Variants in PDLIM5 observed in about 807,000 individuals in gnomAD.
The protein encoded by PDLIM5 is PDZ and LIM domain 5.
PDLIM5 carries 34 observed loss-of-function variants against 64.2 expected under a neutral mutation model. The ratio of observed to expected loss-of-function variants is 0.53; its 90% CI spans 0.40 to 0.71. The LOEUF (loss-of-function observed/expected upper bound fraction) is 0.71, where lower values mean the gene tolerates loss of function less well. PDLIM5 is among the 30% of genes least tolerant of loss of function. The pLI, the probability that PDLIM5 is intolerant of heterozygous loss-of-function variation, is 0.00. For synonymous variants in PDLIM5, 253 were observed against 269.1 expected, an observed-to-expected ratio of 0.94 and a Z score of 0.59; for missense variants, 683 against 733.6, an observed-to-expected ratio of 0.93 and a Z score of 0.80.
Position 94,571,052 on chromosome 4 carries a change from C to T in PDLIM5, c.249-2299C>T, listed in dbSNP as rs567062663. Among the ~76,000 whole-genome samples, 4 of 152,192 alleles carry T rather than the reference C, an allele frequency of 2.6e-5. No individual in the cohort carries two copies. The South Asian group carries it at 8.3e-4, about 31-fold the overall frequency. ...TTTATAAAGCAGTTTTAGGAAACTA[C>T]ATTAATTAGTTAAAAATATACCTTA... On this transcript the variant is annotated intron_variant, in intron 3 of 12. Coordinates refer to ENST00000317968, the MANE Select transcript of PDLIM5 (RefSeq NM_006457.5).
At chr4:94,570,957 A>G (rs553248753) in intron 3 of PDLIM5, among the ~76,000 whole-genome samples, 10 of 152,262 alleles carry the variant, frequency 6.6e-5, no homozygotes, top group South Asian at 4.1e-4. Flanking sequence ...TTCTAGTTCT[A>G]TTGTCTAGTT....
intron 12 of PDLIM5, 101 bp from the exon 13 acceptor site, chr4:94,663,877 C>T: frequency 1.7e-6 from 2 of 1,193,442 alleles, no homozygotes; most frequent in Non-Finnish European, 1.1e-6. Flanking sequence ...GTCATATTAT[C>T]CATTGGGGGG....
intron 3 of PDLIM5, among the ~76,000 whole-genome samples, chr4:94,565,552 A>G (rs1017740846): frequency 6.6e-6 from 1 of 152,192 alleles, no homozygotes; most frequent in African/African-American, 2.4e-5. Context: ...CAAGAAGATT[A>G]TGTGATGTGG....
chr4:94,585,540 A>ATTTT, intron 5 of PDLIM5, 25 bp from the exon 6 acceptor site: 1 of 1,362,444 alleles, frequency 7.3e-7, no homozygotes, highest in Non-Finnish European at 9.8e-7. Context: ...ACAATTTTTA[A>ATTTT]TTTTTTTTTT....
chr4:94,486,784 T>C (rs1045554788), intron 2 of PDLIM5, among the ~76,000 whole-genome samples: 1 of 152,098 alleles, frequency 6.6e-6, no homozygotes, highest in African/African-American at 2.4e-5. Context: ...GGAGAGTTGC[T>C]TGGGGCCAGG....
intron 2 of PDLIM5, among the ~76,000 whole-genome samples, chr4:94,475,430 A>AT (rs1397718277): frequency 6.6e-6 from 1 of 152,106 alleles, no homozygotes; most frequent in Non-Finnish European, 1.5e-5. Context: ...GATAATTCAG[A>AT]TTTTTTGCAA....
At chr4:94,567,508 ATT>A (rs35850642) in intron 3 of PDLIM5, among the ~76,000 whole-genome samples, 3,157 of 148,136 alleles carry the variant, frequency 0.021, 119 homozygotes, top group African/African-American at 0.073. Flanking sequence ...GTACAGATTG[ATT>A]TTTTTTTTTT....
chr4:94,475,145 CT>C (rs755044470), intron 2 of PDLIM5, among the ~76,000 whole-genome samples: 279 of 145,226 alleles, frequency 1.9e-3, no homozygotes, highest in Admixed American at 2.2e-3. Context: ...CCTCCCCCGC[CT>C]TTTTTTTTTT....
At chr4:94,586,911 A>T in intron 7 of PDLIM5, 3 of 1,243,924 alleles carry the variant, frequency 2.4e-6, no homozygotes, top group Non-Finnish European at 3.3e-6. Context: ...TGATGGAATT[A>T]GTCTAGAACC....
chr4:94,561,637 A>G (rs1733860154), intron 3 of PDLIM5, among the ~76,000 whole-genome samples: 1 of 152,190 alleles, frequency 6.6e-6, no homozygotes, highest in Non-Finnish European at 1.5e-5. Flanking sequence ...AGGATCTCCT[A>G]TTCTCATTCT....
intron 2 of PDLIM5, among the ~76,000 whole-genome samples, chr4:94,521,804 A>T (rs182569831): frequency 6.6e-6 from 1 of 152,134 alleles, no homozygotes; most frequent in African/African-American, 2.4e-5. Flanking sequence ...AGACTACTTT[A>T]TGTGAGGATG....
At chr4:94,525,038 T>C (rs1353040335) in intron 3 of PDLIM5, among the ~76,000 whole-genome samples, 1 of 152,126 alleles carries the variant, frequency 6.6e-6, no homozygotes, top group Admixed American at 6.5e-5. Flanking sequence ...AAACACCACT[T>C]TTTCTCCCTC....
At chr4:94,626,206 G>A (rs1156655796) in intron 8 of PDLIM5, among the ~76,000 whole-genome samples, 1 of 152,138 alleles carries the variant, frequency 6.6e-6, no homozygotes, top group Non-Finnish European at 1.5e-5. Context: ...TGAATACAAT[G>A]GGCGGCCTAA....
At chr4:94,599,784 G>A (rs2110347123) in intron 7 of PDLIM5, among the ~76,000 whole-genome samples, 2 of 152,228 alleles carry the variant, frequency 1.3e-5, no homozygotes, top group South Asian at 4.1e-4. Flanking sequence ...GGTATAGTGA[G>A]CCTCCAAGGA....
chr4:94,460,991 T>C (rs756987389), intron 2 of PDLIM5, among the ~76,000 whole-genome samples: 22 of 152,230 alleles, frequency 1.4e-4, no homozygotes, highest in Non-Finnish European at 3.1e-4. Flanking sequence ...TACATGTGAA[T>C]ACACAGTTGA....
chr4:94,654,517 T>C lies in PDLIM5; in HGVS notation c.1341T>C (p.Ala447=). The C allele has an allele frequency of 6.2e-7, 1 of 1,612,574 alleles. No individual in the cohort carries two copies. Among genetic ancestry groups the C allele is most frequent in the South Asian group, 1.1e-5 (1 of 91,034 alleles). ...KSWHPEEFNC[A]HCKNTMAYIG... ...GGCACCCAGAAGAATTCAACTGCGCTCACTGCAAAAATACAATGGCCTACA... is the reference window on the plus strand; with the variant it reads ...GGCACCCAGAAGAATTCAACTGCGCCCACTGCAAAAATACAATGGCCTACA... The change falls in exon 10 of 13, where the codon GCT becomes GCC. Residue 447 remains alanine (A), a synonymous_variant. Coordinates refer to ENST00000317968, the MANE Select transcript of PDLIM5 (RefSeq NM_006457.5).
chr4:94,602,786 C>A, intron 7 of PDLIM5, among the ~76,000 whole-genome samples: 1 of 152,050 alleles, frequency 6.6e-6, no homozygotes, highest in East Asian at 1.9e-4. Flanking sequence ...CTCCTCATTC[C>A]ACTGAAGTTA....
In PDLIM5 at chr4:94,653,947, GTGTGGGGAAGAGAAAT is replaced by G. The variant is rs560629215; in HGVS notation, c.1284-493_1284-478del. Among the ~76,000 whole-genome samples the G allele has an allele frequency of 8.6e-4, 131 of 152,258 alleles. No individual in the cohort carries two copies. In the East Asian group the frequency reaches 8.7e-3, roughly 10 times the overall value. On this transcript the variant is annotated intron_variant, in intron 9 of 12. Coordinates refer to ENST00000317968, the MANE Select transcript of PDLIM5 (RefSeq NM_006457.5). ...TTGAGAAATAAATACATGAAAGAAT[GTGTGGGGAAGAGAAAT>G]TGTGGGGAAGAGAAATTGTCTCAGG...
chr4:94,663,378 C>T (rs979070971), intron 12 of PDLIM5, among the ~76,000 whole-genome samples: 22 of 152,072 alleles, frequency 1.4e-4, no homozygotes, highest in African/African-American at 5.3e-4. Context: ...GCTGTTCATT[C>T]TAATTAACAA....
Sources: gnomAD v4.1 joint callset for allele counts (sites outside exome capture counted in the v4.1 genomes callset) on GRCh38, gnomAD v4.1.1 for gene constraint, MANE v1.5 for transcripts, NCBI Gene and HGNC (gene_info 2026-07-23, HGNC 2026-07-21) for gene names.